Variants in ATP2B2 observed in about 807,000 individuals in gnomAD.
ATP2B2 encodes the protein plasma membrane calcium-transporting ATPase 2.
ATP2B2 carries 15 observed loss-of-function variants against 120.0 expected under a neutral mutation model. The ratio of observed to expected loss-of-function variants is 0.12; its 90% CI spans 0.08 to 0.19. ATP2B2 has a LOEUF of 0.19. ATP2B2 is among the 10% of genes least tolerant of loss of function. The pLI is 1.00. For missense variants in ATP2B2, 1,045 were observed against 1,719.8 expected, an observed-to-expected ratio of 0.61 and a Z score of 6.94; for synonymous variants, 694 against 700.3, an observed-to-expected ratio of 0.99 and a Z score of 0.14.
At chr3:10,607,779 T>C (rs1214487291) in intron 2 of ATP2B2, among the ~76,000 whole-genome samples, 4 of 152,212 alleles carry the variant, frequency 2.6e-5, no homozygotes, top group African/African-American at 9.7e-5. Context: ...ACAAGTTCAG[T>C]GACCACATGT....
intron 1 of ATP2B2, among the ~76,000 whole-genome samples, chr3:10,691,180 T>G (rs958777806): frequency 3.3e-5 from 5 of 152,232 alleles, no homozygotes; most frequent in Non-Finnish European, 5.9e-5. Context: ...TCTAGAAGGT[T>G]CCTTAGTTTC....
At position 10,563,852 on chromosome 3, in the gene ATP2B2, T is replaced by C. The variant is rs537353617; in HGVS notation, c.-414-29719A>G. On this transcript the variant is annotated intron_variant, in intron 2 of 21. Coordinates refer to the ATP2B2 transcript ENST00000646379. ...AAGCCCAGAGAGGCTAAGCAACTTG[T>C]CAAAAACCACACAACTTTTGGTCCA... Among the ~76,000 whole-genome samples the C allele has an allele frequency of 2.0e-5, 3 of 152,364 alleles. 1 individual carries two copies. The South Asian group carries it at 6.2e-4, about 32-fold the overall frequency.
intron 3 of ATP2B2, among the ~76,000 whole-genome samples, 163 bp downstream of exon 3, chr3:10,410,455 G>A (rs986525690): frequency 1.7e-4 from 26 of 152,214 alleles, no homozygotes; most frequent in East Asian, 7.7e-4. Flanking sequence ...GGCCTGGCTC[G>A]GCCACCCTTT....
rs180850760 is a variant in ATP2B2 at position 10,449,403 on chromosome 3, C to T, written c.141G>A (p.Lys47=). ...LRGTEAVVKI[K]ETYGDTEAIC... ...TGGCTTCGGTGTCCCCATAAGTCTC[C>T]TTGATCTTGACCACAGCCTCAGTGC... Residue 47 remains lysine, a synonymous_variant, in exon 2 of 23, where the codon AAG becomes AAA. Coordinates refer to ENST00000360273, the MANE Select transcript of ATP2B2 (RefSeq NM_001001331.4). 4 of 1,614,252 alleles carry T rather than the reference C, an allele frequency of 2.5e-6. No individual in the cohort carries two copies. In the East Asian group the frequency reaches 8.9e-5, roughly 36 times the overall value.
intron 3 of ATP2B2, among the ~76,000 whole-genome samples, chr3:10,512,811 C>T (rs1486864886): frequency 1.3e-5 from 2 of 152,166 alleles, no homozygotes; most frequent in Non-Finnish European, 2.9e-5. Context: ...GCGGCAATTC[C>T]GAAGTGGTGC....
rs35821909 is a variant in ATP2B2, at chr3:10,382,513, A to ATT, written c.1000+2753_1000+2754dup. On this transcript the variant is annotated intron_variant, in intron 8 of 22. Coordinates refer to ENST00000360273, the MANE Select transcript of ATP2B2 (RefSeq NM_001001331.4). ...AGGTGCCCACTACCATGACCGGCTA[A>ATT]TTTTTTTTTTTTTTTGTATTTTTAG... 6.6e-3 allele frequency among the ~76,000 whole-genome samples: 939 copies of ATT among 141,298 alleles called. 9 individuals are homozygous for ATT. The highest frequency in any genetic ancestry group is 0.022 in the African/African-American group (843 of 37,964). The allele number at this position is 141,298 out of a possible 152,430, so 92.7% of individuals were successfully genotyped here.
intron 1 of ATP2B2, among the ~76,000 whole-genome samples, chr3:10,482,280 C>T (rs969519407): frequency 6.6e-6 from 1 of 152,200 alleles, no homozygotes; most frequent in Non-Finnish European, 1.5e-5. Context: ...GCTTCAGCTG[C>T]TTGCCAGGCC....
chr3:10,484,985 G>T (rs1046850296), intron 1 of ATP2B2, among the ~76,000 whole-genome samples: 1 of 152,200 alleles, frequency 6.6e-6, no homozygotes, highest in African/African-American at 2.4e-5. Flanking sequence ...ACAGTGCCTG[G>T]CACTGACAGG....
intron 2 of ATP2B2, among the ~76,000 whole-genome samples, chr3:10,611,058 G>A (rs1224918914): frequency 3.9e-5 from 6 of 152,282 alleles, no homozygotes; most frequent in Non-Finnish European, 5.9e-5. Flanking sequence ...CTGAGGGCTC[G>A]CAGGGGTGTC....
At chr3:10,561,474 C>T (rs1440312236) in intron 2 of ATP2B2, among the ~76,000 whole-genome samples, 2 of 152,166 alleles carry the variant, frequency 1.3e-5, no homozygotes, top group African/African-American at 2.4e-5. Flanking sequence ...CTAGTATTAT[C>T]ATTATCCTCA....
At chr3:10,587,165 T>C (rs1429077764) in intron 2 of ATP2B2, among the ~76,000 whole-genome samples, 2 of 151,962 alleles carry the variant, frequency 1.3e-5, no homozygotes, top group African/African-American at 4.8e-5. Context: ...ATTAGCTGTG[T>C]GTGGTGGCAC....
intron 1 of ATP2B2, among the ~76,000 whole-genome samples, chr3:10,477,905 T>C (rs1373849085): frequency 7.9e-5 from 12 of 152,244 alleles, no homozygotes; most frequent in African/African-American, 2.2e-4. Flanking sequence ...ATCTACCCAG[T>C]AGTGGAATTG....
At chr3:10,403,743 C>T (rs910524417) in intron 3 of ATP2B2, among the ~76,000 whole-genome samples, 10 of 152,226 alleles carry the variant, frequency 6.6e-5, no homozygotes, top group Admixed American at 5.9e-4. Context: ...CACCCAGCAT[C>T]CACTTTAACC....
At position 10,700,000 on chromosome 3, in the gene ATP2B2, C is replaced by G. The variant is rs189228011; in HGVS notation, c.-460+7915G>C. The stretch of plus-strand genomic sequence containing the variant: ...GGTCTCTTACAATAGCACAAACAGA[C>G]TAAGACAATGTGAAAAAAGCTACTT... On this transcript the variant is annotated intron_variant, in intron 1 of 21. Coordinates refer to the ATP2B2 transcript ENST00000646379. Among the ~76,000 whole-genome samples, 257 of 152,112 alleles carry G rather than the reference C, an allele frequency of 1.7e-3. 2 individuals carry two copies. The highest frequency in any genetic ancestry group is 5.7e-3 in the African/African-American group (238 of 41,494).
At chr3:10,412,390 A>C (rs1479891627) in intron 2 of ATP2B2, among the ~76,000 whole-genome samples, 1 of 152,142 alleles carries the variant, frequency 6.6e-6, no homozygotes, top group Non-Finnish European at 1.5e-5. Context: ...TGTGCCCCTC[A>C]GAGGCCGGTG....
chr3:10,705,285 T>C (rs2071879438), intron 1 of ATP2B2, among the ~76,000 whole-genome samples: 1 of 152,222 alleles, frequency 6.6e-6, no homozygotes. Context: ...GTTTCAGACC[T>C]AACTCTTGTC....
intron 2 of ATP2B2, among the ~76,000 whole-genome samples, chr3:10,590,186 A>AT (rs970330077): frequency 6.6e-6 from 1 of 152,204 alleles, no homozygotes; most frequent in Non-Finnish European, 1.5e-5. Context: ...ATATGATATG[A>AT]TTTTTGATAT....
intron 1 of ATP2B2, among the ~76,000 whole-genome samples, chr3:10,670,219 G>A (rs1039895093): frequency 5.9e-5 from 9 of 152,178 alleles, no homozygotes; most frequent in Admixed American, 4.6e-4. Flanking sequence ...ACTAGCCTTC[G>A]CTGGAGGATG....
Position 10,401,096 on chromosome 3 carries a change from A to T in ATP2B2, c.656-18T>A. 1 of 1,613,244 alleles carries T rather than the reference A, an allele frequency of 6.2e-7. No homozygotes were observed. Among genetic ancestry groups the T allele is most frequent in the Non-Finnish European group, 8.5e-7 (1 of 1,179,568 alleles). On this transcript the variant is annotated intron_variant, in intron 4 of 22. Transcript: ENST00000360273. The stretch of plus-strand genomic sequence containing the variant: ...GAGGTCACCTGGCAAGAGGAAGGGC[A>T]GGGGAGTCAGCAGGCTCTCAGGTGA...
Sources: allele counts gnomAD v4.1 joint callset (sites outside exome capture counted in the v4.1 genomes callset), GRCh38; gene constraint gnomAD v4.1.1; transcripts MANE v1.5; gene names NCBI Gene and HGNC (gene_info 2026-07-23, HGNC 2026-07-21).